The following SORCS3 variants were observed in gnomAD, a reference collection of about 807,000 sequenced individuals.
SORCS3 encodes the protein VPS10 domain-containing receptor SorCS3.
Under a neutral mutation model 146.3 loss-of-function variants are expected in SORCS3, and 57 were observed. The observed-to-expected ratio is 0.39, with a 90% CI of 0.31 to 0.49. SORCS3 has a LOEUF of 0.49. Ranked by LOEUF, SORCS3 falls within the 20% of genes least tolerant of loss-of-function variation. SORCS3 has a pLI of 0.92. For missense variants in SORCS3, 1,341 were observed against 1,575.5 expected, an observed-to-expected ratio of 0.85 and a Z score of 2.52; for synonymous variants, 653 against 618.5, an observed-to-expected ratio of 1.06 and a Z score of -0.83.
At chr10:105,244,266 G>GAA (rs577426057) in intron 20 of SORCS3, among the ~76,000 whole-genome samples, 8 of 147,374 alleles carry the variant, frequency 5.4e-5, no homozygotes, top group East Asian at 3.9e-4. Flanking sequence ...TTCTTTCCAG[G>GAA]AAAAAAAAAT....
At chr10:105,144,442 G>A (rs981501431) in intron 8 of SORCS3, among the ~76,000 whole-genome samples, 1 of 152,072 alleles carries the variant, frequency 6.6e-6, no homozygotes, top group Admixed American at 6.6e-5. Context: ...AATGAATAAA[G>A]TTACATTAGG....
chr10:105,018,549 C>G (rs2055181346), intron 4 of SORCS3, among the ~76,000 whole-genome samples: 1 of 152,212 alleles, frequency 6.6e-6, no homozygotes, highest in African/African-American at 2.4e-5. Flanking sequence ...ATATAAAACA[C>G]AGATATGTTG....
At chr10:104,914,273 G>A (rs12246611) in intron 2 of SORCS3, among the ~76,000 whole-genome samples, 49,695 of 152,076 alleles carry the variant, frequency 0.33, 9,643 homozygotes, top group African/African-American at 0.54. Context: ...ACAGAGCATA[G>A]AGAAATCAAT....
chr10:104,649,331 A>G (rs748276152), intron 1 of SORCS3, among the ~76,000 whole-genome samples: 3 of 152,168 alleles, frequency 2.0e-5, no homozygotes, highest in Non-Finnish European at 2.9e-5. Context: ...GAAAAAAGGG[A>G]GTGATGATAT....
chr10:105,195,997 A>G (rs1378710867), intron 14 of SORCS3, among the ~76,000 whole-genome samples: 2 of 152,162 alleles, frequency 1.3e-5, no homozygotes, highest in East Asian at 3.9e-4. Context: ...GAAAGAAGCC[A>G]AAGAAATGCA....
chr10:104,718,206 T>C (rs2016502060), intron 1 of SORCS3, among the ~76,000 whole-genome samples: 2 of 152,026 alleles, frequency 1.3e-5, no homozygotes, highest in Non-Finnish European at 2.9e-5. Flanking sequence ...TGTATTTGGC[T>C]CAAGTTTTGG....
chr10:104,926,104 G>A (rs570397018), intron 3 of SORCS3, among the ~76,000 whole-genome samples: 60 of 152,316 alleles, frequency 3.9e-4, no homozygotes, highest in Non-Finnish European at 7.2e-4. Flanking sequence ...CCCCTCCTGA[G>A]CTGTGAGCTG....
chr10:104,973,772 T>C (rs1303704690), intron 3 of SORCS3, among the ~76,000 whole-genome samples: 1 of 146,322 alleles, frequency 6.8e-6, no homozygotes, highest in East Asian at 1.9e-4. Context: ...TTTCTAGTTC[T>C]TTTAATTGTG....
intron 20 of SORCS3, 73 bp downstream of exon 20, chr10:105,223,322 A>C: frequency 7.0e-7 from 1 of 1,421,148 alleles, no homozygotes; most frequent in Middle Eastern, 1.9e-4. Flanking sequence ...TTATGTGTCT[A>C]TTAGGGGGCA....
At chr10:105,142,374 C>T (rs571547715) in intron 8 of SORCS3, among the ~76,000 whole-genome samples, 2 of 152,280 alleles carry the variant, frequency 1.3e-5, no homozygotes, top group Non-Finnish European at 2.9e-5. Context: ...AAGATTCAGA[C>T]GTCTGTCTTG....
At chr10:105,003,988 T>TC (rs1044594270) in intron 4 of SORCS3, among the ~76,000 whole-genome samples, 2 of 141,106 alleles carry the variant, frequency 1.4e-5, no homozygotes, top group Non-Finnish European at 3.0e-5. Context: ...CTCCTTTTTT[T>TC]CTCTTCTCTC....
chr10:104,954,389 G>A (rs1012232459), intron 3 of SORCS3, among the ~76,000 whole-genome samples: 1 of 152,142 alleles, frequency 6.6e-6, no homozygotes, highest in Non-Finnish European at 1.5e-5. Flanking sequence ...TTGAATTGAA[G>A]GGTATTAAAA....
chr10:105,064,559 G>A (rs1029919456), intron 5 of SORCS3, among the ~76,000 whole-genome samples: 1 of 152,210 alleles, frequency 6.6e-6, no homozygotes, highest in African/African-American at 2.4e-5. Context: ...CTGAGGGTAT[G>A]AATCTCAGTC....
At chr10:105,112,051 G>A (rs1419146318) in intron 7 of SORCS3, among the ~76,000 whole-genome samples, 1 of 152,176 alleles carries the variant, frequency 6.6e-6, no homozygotes, top group African/African-American at 2.4e-5. Flanking sequence ...ATAATGTTGT[G>A]TTCCCCTCTT....
At chr10:105,246,863 CA>C (rs1350522036) in intron 21 of SORCS3, among the ~76,000 whole-genome samples, 1 of 152,184 alleles carries the variant, frequency 6.6e-6, no homozygotes, top group Non-Finnish European at 1.5e-5. Context: ...GACTCCATTC[CA>C]ACCAAGTCCA....
rs549106010 is a variant in SORCS3, at chr10:105,182,050, C to T, written c.2009+3877C>T. Among the ~76,000 whole-genome samples the T allele has an allele frequency of 5.9e-5, 9 of 151,596 alleles. No homozygotes were observed. In the East Asian group the frequency reaches 1.8e-3, roughly 30 times the overall value. On this transcript the variant is annotated intron_variant, in intron 14 of 26. Coordinates refer to ENST00000369701, the MANE Select transcript of SORCS3 (RefSeq NM_014978.3). ...TGATTTAGCTATAGTTTTACAGGGG[C>T]CAAAGAGAACCTAGCAGCTTCCTAG... is the stretch of plus-strand genomic sequence containing the variant.
At chr10:105,069,184 T>C (rs2055541801) in intron 5 of SORCS3, among the ~76,000 whole-genome samples, 1 of 152,252 alleles carries the variant, frequency 6.6e-6, no homozygotes, top group East Asian at 1.9e-4. Context: ...ATCACTGTTA[T>C]GCTTACATGC....
At chr10:104,692,519 C>T (rs1163776662) in intron 1 of SORCS3, among the ~76,000 whole-genome samples, 2 of 152,154 alleles carry the variant, frequency 1.3e-5, no homozygotes, top group African/African-American at 4.8e-5. Flanking sequence ...CTCCATGGTG[C>T]CTGCACTGGG....
chr10:105,078,140 T>G (rs191449691), intron 5 of SORCS3, among the ~76,000 whole-genome samples: 96 of 152,356 alleles, frequency 6.3e-4, no homozygotes, highest in Non-Finnish European at 8.4e-4. Flanking sequence ...ATGAAGACTT[T>G]ATTCAGTTAA....
Sources: gnomAD v4.1 joint callset for allele counts (sites outside exome capture counted in the v4.1 genomes callset) on GRCh38, gnomAD v4.1.1 for gene constraint, MANE v1.5 for transcripts, NCBI Gene and HGNC (gene_info 2026-07-23, HGNC 2026-07-21) for gene names.